CCDC171: variants seen among roughly 807,000 people sequenced by gnomAD.
CCDC171 encodes the protein coiled-coil domain-containing protein 171.
A neutral mutation model predicts 168.2 loss-of-function variants in CCDC171; 177 were observed. The observed-to-expected ratio is 1.05, with a 90% confidence interval of 0.93 to 1.19. The LOEUF (loss-of-function observed/expected upper bound fraction) is 1.19. Among genes scored for constraint, CCDC171 ranks in the 50% most tolerant of loss-of-function variants. The pLI is 0.00. For synonymous variants in CCDC171, 687 were observed against 540.8 expected (o/e 1.27, Z -3.75); for missense variants, 1,991 against 1,539.0 (o/e 1.29, Z -4.91).
intron 7 of CCDC171, among the ~76,000 whole-genome samples, chr9:15,648,214 C>A (rs2047204393): frequency 6.6e-6 from 1 of 152,164 alleles, no homozygotes; most frequent in South Asian, 2.1e-4. Context: ...ATGCTAAAAA[C>A]TCTCAATAAA....
intron 16 of CCDC171, among the ~76,000 whole-genome samples, chr9:15,743,805 A>C (rs1174597166): frequency 1.3e-5 from 2 of 152,212 alleles, no homozygotes; most frequent in East Asian, 3.8e-4. Context: ...GCTATTTGTT[A>C]TATCATTGAT....
At chr9:16,083,544 ATATT>A in the CCDC171 span, among the ~76,000 whole-genome samples, 11 of 152,272 alleles carry the variant, frequency 7.2e-5, no homozygotes, top group African/African-American at 2.6e-4. Context: ...GGAAAGTGAT[ATATT>A]TATTTGGGTA....
chr9:15,893,074 G>T (rs369294307), intron 24 of CCDC171, among the ~76,000 whole-genome samples: 6 of 152,140 alleles, frequency 3.9e-5, no homozygotes, highest in Non-Finnish European at 7.4e-5. Flanking sequence ...CACGGTACTT[G>T]TATAAGCACA....
At chr9:15,666,407 T>C in intron 9 of CCDC171, 84 bp downstream of exon 9, 1 of 922,816 alleles carries the variant, frequency 1.1e-6, no homozygotes, top group Non-Finnish European at 1.6e-6. Flanking sequence ...ACTATGTATT[T>C]TAGATATAGC....
chr9:15,932,202 G>A (rs946253230), intron 25 of CCDC171, among the ~76,000 whole-genome samples: 2 of 151,868 alleles, frequency 1.3e-5, no homozygotes, highest in Non-Finnish European at 2.9e-5. Context: ...ACTTTGGGCA[G>A]TATGGCCATT....
At chr9:15,925,622 G>T (rs765279073) in intron 25 of CCDC171, among the ~76,000 whole-genome samples, 9 of 151,574 alleles carry the variant, frequency 5.9e-5, no homozygotes, top group African/African-American at 2.2e-4. Context: ...AAAATGGTGT[G>T]CCTGGGACAA....
the CCDC171 span, among the ~76,000 whole-genome samples, chr9:16,069,057 T>C: frequency 2.0e-5 from 3 of 152,178 alleles, no homozygotes; most frequent in African/African-American, 7.2e-5. Flanking sequence ...TGCATTCAGG[T>C]CTTCAAGCAC....
chr9:15,558,640 T>G (rs1162510111), intron 1 of CCDC171, among the ~76,000 whole-genome samples: 3 of 152,186 alleles, frequency 2.0e-5, no homozygotes, highest in Non-Finnish European at 4.4e-5. Context: ...TTATTAGTCT[T>G]GCTAGTGGTC....
intron 6 of CCDC171, among the ~76,000 whole-genome samples, chr9:15,607,722 C>G (rs2043330558): frequency 1.3e-5 from 2 of 152,264 alleles, no homozygotes; most frequent in South Asian, 4.1e-4. Flanking sequence ...CTTGGCCTAT[C>G]AAAGTGCTGG....
At chr9:16,079,155 C>G in the CCDC171 span, among the ~76,000 whole-genome samples, 4 of 152,196 alleles carry the variant, frequency 2.6e-5, no homozygotes, top group Admixed American at 2.0e-4. Context: ...TTTGTAAAAG[C>G]AGATCCTCAG....
chr9:15,914,191 T>A (rs550667669), intron 24 of CCDC171, among the ~76,000 whole-genome samples: 6 of 152,146 alleles, frequency 3.9e-5, no homozygotes, highest in Non-Finnish European at 7.4e-5. Flanking sequence ...GATCTGCTGC[T>A]CTCTTCAGAG....
chr9:15,606,613 C>T (rs1282781228), intron 6 of CCDC171, among the ~76,000 whole-genome samples: 1 of 152,108 alleles, frequency 6.6e-6, no homozygotes, highest in African/African-American at 2.4e-5. Flanking sequence ...AACTCTGATA[C>T]TTTTCTAACT....
At chr9:16,085,166 G>T in the CCDC171 span, among the ~76,000 whole-genome samples, 140 of 152,316 alleles carry the variant, frequency 9.2e-4, 1 homozygote, top group African/African-American at 3.2e-3. Context: ...TGTGCCCCTT[G>T]TCCTCTTATC....
chr9:16,020,953 C>G (rs553776381), intron 4 of CCDC171, among the ~76,000 whole-genome samples: 48 of 152,324 alleles, frequency 3.2e-4, no homozygotes, highest in Admixed American at 4.6e-4. Flanking sequence ...GTTCTTCTCA[C>G]AAGCTTAAGT....
intron 25 of CCDC171, among the ~76,000 whole-genome samples, chr9:15,970,621 G>T (rs1831252659): frequency 6.6e-6 from 1 of 151,896 alleles, no homozygotes; most frequent in South Asian, 2.1e-4. Context: ...CGTCACTTAA[G>T]GCTTAAAGGA....
At chr9:15,609,054 T>A (rs569365316) in intron 6 of CCDC171, among the ~76,000 whole-genome samples, 218 of 151,468 alleles carry the variant, frequency 1.4e-3, no homozygotes, top group African/African-American at 5.2e-3. Context: ...TTTTCTTCTT[T>A]GTAGAGACAG....
intron 24 of CCDC171, among the ~76,000 whole-genome samples, chr9:15,913,155 TC>T (rs1823965553): frequency 6.6e-6 from 1 of 152,240 alleles, no homozygotes; most frequent in South Asian, 2.1e-4. Context: ...CCACTGTGAA[TC>T]CGTTTGGTCC....
chr9:16,025,891 C>T (rs9792412), intron 6 of CCDC171, among the ~76,000 whole-genome samples: 55,698 of 151,970 alleles, frequency 0.37, 12,065 homozygotes, highest in East Asian at 0.64. Flanking sequence ...AACATGAATG[C>T]ACTAAAAGCC....
At chr9:15,828,835 A>G (rs1193006579) in intron 21 of CCDC171, among the ~76,000 whole-genome samples, 1 of 152,244 alleles carries the variant, frequency 6.6e-6, no homozygotes, top group Non-Finnish European at 1.5e-5. Flanking sequence ...TTTTCTAAAA[A>G]TAGGTCAGAA....
Sources: gnomAD v4.1 joint callset for allele counts (sites outside exome capture counted in the v4.1 genomes callset) on GRCh38, gnomAD v4.1.1 for gene constraint, MANE v1.5 for transcripts, NCBI Gene and HGNC (gene_info 2026-07-23, HGNC 2026-07-21) for gene names.